The following STON2 variants were observed in gnomAD, a reference collection of about 807,000 sequenced individuals.
STON2 encodes the protein stonin 2.
A neutral mutation model predicts 65.7 loss-of-function variants in STON2; 29 were observed. The ratio of observed to expected loss-of-function variants is 0.44; its 90% CI spans 0.33 to 0.60. The LOEUF is 0.60. Ranked by LOEUF, STON2 falls within the 20% of genes least tolerant of loss-of-function variation. The probability of loss-of-function intolerance (pLI) is 0.03; values close to 1 mark genes in which losing one functional copy is unlikely to be tolerated. For missense variants in STON2, 1,054 were observed against 1,118.1 expected, an observed-to-expected ratio of 0.94 and a Z score of 0.82; for synonymous variants, 404 against 414.2, an observed-to-expected ratio of 0.98 and a Z score of 0.30.
upstream of STON2, among the ~76,000 whole-genome samples, chr14:81,404,860 T>C (rs1566946086): frequency 6.6e-6 from 1 of 152,222 alleles, no homozygotes; most frequent in Non-Finnish European, 1.5e-5. Flanking sequence ...ATTTTTTATT[T>C]CATCCTTGAT....
chr14:81,359,022 C>T (rs1369493416), intron 4 of STON2, among the ~76,000 whole-genome samples: 1 of 152,104 alleles, frequency 6.6e-6, no homozygotes, highest in East Asian at 1.9e-4. Flanking sequence ...ACTTGAACAA[C>T]ACTTTAGACC....
chr14:81,352,845 C>T (rs1163242091), intron 4 of STON2, among the ~76,000 whole-genome samples: 2 of 152,186 alleles, frequency 1.3e-5, no homozygotes, highest in African/African-American at 2.4e-5. Context: ...CAAAATACCT[C>T]GTTTACACCA....
chr14:81,338,698 G>A (rs1897472255), intron 4 of STON2, among the ~76,000 whole-genome samples: 1 of 152,198 alleles, frequency 6.6e-6, no homozygotes, highest in Non-Finnish European at 1.5e-5. Context: ...CTATGTCCAG[G>A]TAGATAGTGT....
At chr14:81,340,757 G>A (rs1897577667) in intron 4 of STON2, among the ~76,000 whole-genome samples, 2 of 152,202 alleles carry the variant, frequency 1.3e-5, no homozygotes, top group South Asian at 4.2e-4. Flanking sequence ...TGGCTTGAAT[G>A]GAAAATGAAC....
intron 4 of STON2, among the ~76,000 whole-genome samples, chr14:81,364,935 T>C (rs1330652737): frequency 1.3e-5 from 2 of 152,150 alleles, no homozygotes; most frequent in Admixed American, 6.5e-5. Context: ...CAGATTCACA[T>C]GAATGTGTGT....
chr14:81,364,219 G>A (rs184562356), intron 4 of STON2, among the ~76,000 whole-genome samples: 2 of 152,174 alleles, frequency 1.3e-5, no homozygotes, highest in South Asian at 2.1e-4. Flanking sequence ...ACTGTGATCC[G>A]TTAAATGCAA....
intron 4 of STON2, among the ~76,000 whole-genome samples, chr14:81,345,186 T>C (rs2140301694): frequency 6.6e-6 from 1 of 152,320 alleles, no homozygotes; most frequent in Middle Eastern, 3.4e-3. Context: ...TTCTGAATTG[T>C]AGTTACATAG....
Position 81,262,606 on chromosome 14 carries a change from C to T in STON2, c.*5808G>A, listed in dbSNP as rs946387354. The T allele has an allele frequency of 1.1e-5, 11 of 985,396 alleles. No individual in the cohort carries two copies. The highest frequency in any genetic ancestry group is 1.1e-5 in the Non-Finnish European group (9 of 829,904). The allele number at this position is 985,396 out of a possible 1,614,324, so 61.0% of individuals were successfully genotyped here. On this transcript the variant is annotated 3_prime_UTR_variant, in exon 8 of 8. Transcript: ENST00000614646. ...TATTCTCTTGTAGCTTTTGTTACATCCAATGATCATTTGCCTCTCTCCAGG... is the reference window on the plus strand; with the variant it reads ...TATTCTCTTGTAGCTTTTGTTACATTCAATGATCATTTGCCTCTCTCCAGG...
chr14:81,358,841 A>G (rs1460473557), intron 4 of STON2, among the ~76,000 whole-genome samples: 5 of 152,226 alleles, frequency 3.3e-5, no homozygotes, highest in Non-Finnish European at 7.3e-5. Flanking sequence ...AGAGAATACA[A>G]TGATTATAAA....
chr14:81,321,481 G>C (rs1450434847), intron 5 of STON2, among the ~76,000 whole-genome samples: 2 of 152,102 alleles, frequency 1.3e-5, no homozygotes, highest in Non-Finnish European at 2.9e-5. Context: ...GCAGCAACTG[G>C]TAAGGAGAAA....
intron 1 of STON2, among the ~76,000 whole-genome samples, chr14:81,434,683 GGATT>G (rs1595481676): frequency 6.6e-6 from 1 of 152,034 alleles, no homozygotes; most frequent in Non-Finnish European, 1.5e-5. Context: ...AAGGTTTTTT[GGATT>G]CGTCACACAG....
At position 81,265,397 on chromosome 14, in the gene STON2, G is replaced by A; in HGVS notation, c.*3017C>T. On this transcript the variant is annotated 3_prime_UTR_variant, in exon 8 of 8. Coordinates refer to ENST00000614646, the MANE Select transcript of STON2 (RefSeq NM_001394390.1). Reference sequence around the variant, plus strand: ...GGGTCCAGCATGGTGGCTCACGCCTGTAATCCCAGAGCTTTGGGAGACTGA... The same window carrying A: ...GGGTCCAGCATGGTGGCTCACGCCTATAATCCCAGAGCTTTGGGAGACTGA... 2 of 959,784 alleles carry A rather than the reference G, an allele frequency of 2.1e-6. No individual in the cohort carries two copies. The highest frequency in any genetic ancestry group is 1.8e-5 in the African/African-American group (1 of 56,726). The allele number at this position is 959,784 out of a possible 1,614,324, so 59.5% of individuals were successfully genotyped here.
intron 1 of STON2, among the ~76,000 whole-genome samples, chr14:81,432,461 G>A (rs932345402): frequency 2.0e-5 from 3 of 152,190 alleles, no homozygotes; most frequent in African/African-American, 7.2e-5. Flanking sequence ...GTGACCTCAA[G>A]TAAAGCAAGC....
chr14:81,266,905 CATT>C lies in STON2; in HGVS notation c.*1506_*1508del. Reference sequence around the variant, plus strand: ...TAAAAACCCAGAATATAGGGTTTCTCATTAATGCCTATTCAATCATCATTTTAC... The same window carrying C: ...TAAAAACCCAGAATATAGGGTTTCTCAATGCCTATTCAATCATCATTTTAC... On this transcript the variant is annotated 3_prime_UTR_variant, in exon 8 of 8. Transcript: ENST00000614646. 1 of 981,600 alleles carries C rather than the reference CATT, an allele frequency of 1.0e-6. No individual in the cohort carries two copies. The highest frequency in any genetic ancestry group is 1.2e-6 in the Non-Finnish European group (1 of 826,480). 60.8% of individuals were successfully genotyped at this position (981,600 alleles called of 1,614,324 possible).
intron 3 of STON2, among the ~76,000 whole-genome samples, chr14:81,391,671 C>T (rs958965968): frequency 6.6e-6 from 1 of 152,170 alleles, no homozygotes; most frequent in African/African-American, 2.4e-5. Flanking sequence ...GGAATTGAAC[C>T]ATTTTCTTTA....
Position 81,267,977 on chromosome 14 carries a change from A to T in STON2, c.*437T>A. 1.0e-6 allele frequency: 1 copy of T among 986,684 alleles called. No homozygotes were observed. Among genetic ancestry groups the T allele is most frequent in the Non-Finnish European group, 1.2e-6 (1 of 830,824 alleles). The allele number at this position is 986,684 out of a possible 1,614,324, so 61.1% of individuals were successfully genotyped here. A position where few individuals can be genotyped will look rare whatever the true frequency, so the allele number is the denominator to read the frequency against. On this transcript the variant is annotated 3_prime_UTR_variant, in exon 8 of 8. Coordinates refer to ENST00000614646, the MANE Select transcript of STON2 (RefSeq NM_001394390.1). ...GACAGAGTGAAAGAGATGGATTCTT[A>T]ATTAACTTCTCAAGACTGCCTTTGC...
At chr14:81,363,574 A>G (rs977046596) in intron 4 of STON2, among the ~76,000 whole-genome samples, 1 of 152,172 alleles carries the variant, frequency 6.6e-6, no homozygotes, top group African/African-American at 2.4e-5. Flanking sequence ...ACATAAGAAC[A>G]GAAATGAGGT....
chr14:81,416,164 G>T (rs12887794), intron 2 of STON2, among the ~76,000 whole-genome samples: 70,535 of 152,022 alleles, frequency 0.46, 18,090 homozygotes, highest in Non-Finnish European at 0.58. Context: ...TCATCTAGTA[G>T]TATCTACCTC....
At chr14:81,422,905 T>A (rs1901777288) in intron 2 of STON2, among the ~76,000 whole-genome samples, 1 of 151,974 alleles carries the variant, frequency 6.6e-6, no homozygotes, top group Admixed American at 6.6e-5. Context: ...TGTGGAGGTA[T>A]GCACCTGTAA....
Sources: allele counts gnomAD v4.1 joint callset (sites outside exome capture counted in the v4.1 genomes callset), GRCh38; gene constraint gnomAD v4.1.1; transcripts MANE v1.5; gene names NCBI Gene and HGNC (gene_info 2026-07-23, HGNC 2026-07-21).